Variants in PCDHGA4 observed in about 807,000 individuals in gnomAD.
The protein encoded by PCDHGA4 is protocadherin gamma-A4.
PCDHGA4 carries 38 observed loss-of-function variants against 54.6 expected under a neutral mutation model. The ratio of observed to expected loss-of-function variants is 0.70; its 90% CI spans 0.54 to 0.91. The LOEUF (loss-of-function observed/expected upper bound fraction) is 0.91, where lower values mean the gene tolerates loss of function less well. PCDHGA4 is among the 40% of genes least tolerant of loss of function. PCDHGA4 has a pLI of 0.00. For synonymous variants in PCDHGA4, 511 were observed against 512.9 expected, an observed-to-expected ratio of 1.00 and a Z score of 0.05; for missense variants, 1,298 against 1,220.9, an observed-to-expected ratio of 1.06 and a Z score of -0.94.
chr5:141,365,656 AGCAGAC>A (rs528991261), intron 1 of PCDHGA4: 1 of 1,613,518 alleles, frequency 6.2e-7, no homozygotes, highest in Non-Finnish European at 8.5e-7. Context: ...CCTTGAAAGT[AGCAGAC>A]GTTAATGACA....
intron 1 of PCDHGA4, among the ~76,000 whole-genome samples, chr5:141,453,623 T>C (rs1264665094): frequency 1.3e-5 from 2 of 152,238 alleles, no homozygotes; most frequent in Admixed American, 1.3e-4. Flanking sequence ...AAACAAAACC[T>C]ATACATATTT....
At position 141,489,068 on chromosome 5, in the gene PCDHGA4, G is replaced by GGCCCC; in HGVS notation, c.2515-5739_2515-5738insGCCCC. On this transcript the variant is annotated intron_variant, in intron 1 of 3. Coordinates refer to ENST00000571252, the MANE Select transcript of PCDHGA4 (RefSeq NM_018917.4). This position sits in a 1 kb window ranked among gnomAD's most constrained non-coding sequence, Gnocchi z 4.5. ...CTCAAATTCAGCTCCCCTCCCCCCT[G>GGCCCC]CCCACCCCCGCCACTCGGTGACTAA... 3.4e-6 allele frequency: 1 copy of GGCCCC among 291,558 alleles called. No individual in the cohort carries two copies. 18.1% of individuals were successfully genotyped at this position (291,558 alleles called of 1,614,324 possible). A position where few individuals can be genotyped will look rare whatever the true frequency, so the allele number is the denominator to read the frequency against.
rs2154581798 is a variant in PCDHGA4, at chr5:141,489,799, G to T, written c.2515-5008G>T. 1 of 1,614,192 alleles carries T rather than the reference G, an allele frequency of 6.2e-7. No homozygotes were observed. The highest frequency in any genetic ancestry group is 2.2e-5 in the East Asian group (1 of 44,884). On this transcript the variant is annotated intron_variant, in intron 1 of 3. Coordinates refer to ENST00000571252, the MANE Select transcript of PCDHGA4 (RefSeq NM_018917.4). The surrounding 1 kb of genome is among the most constrained non-coding windows in gnomAD (Gnocchi z 4.5). Reference sequence around the variant, plus strand: ...CTCTCTGAATGTGAAGACCCTAAAAGATGGGAAGCCATTCCCAGAGCTGGT... The same window carrying T: ...CTCTCTGAATGTGAAGACCCTAAAATATGGGAAGCCATTCCCAGAGCTGGT...
Position 141,355,212 on chromosome 5 carries a change from T to G in PCDHGA4, c.105T>G (p.Pro35=). 1 of 1,600,656 alleles carries G rather than the reference T, an allele frequency of 6.2e-7. No homozygotes were observed. The highest frequency in any genetic ancestry group is 8.5e-7 in the Non-Finnish European group (1 of 1,172,136). ...RLRGGVVMAA[P]PARPDHTRLL... is the part of the protein sequence containing the mutation. ...GCGGCGGGGTTGTAATGGCGGCGCC[T>G]CCTGCTCGCCCAGACCACACCCGGC... The change falls in exon 1 of 4, where the codon CCT becomes CCG. Residue 35 remains proline (P), a synonymous_variant. Coordinates refer to ENST00000571252, the MANE Select transcript of PCDHGA4 (RefSeq NM_018917.4).
intron 1 of PCDHGA4, among the ~76,000 whole-genome samples, chr5:141,466,021 G>A (rs2099115061): frequency 6.6e-6 from 1 of 151,934 alleles, no homozygotes; most frequent in Admixed American, 6.6e-5. Flanking sequence ...ACTCGGGAGG[G>A]TGAGGCAGGA....
chr5:141,388,204 A>T lies in PCDHGA4; in HGVS notation c.2514+30583A>T, dbSNP rs746829885. ...AAGCCAGCTTGTGCTCTGGAATTTG[A>T]GGCTGTTGCTGAAAATCCACTGAAC... On this transcript the variant is annotated intron_variant, in intron 1 of 3. Coordinates refer to ENST00000571252, the MANE Select transcript of PCDHGA4 (RefSeq NM_018917.4). 9 of 1,575,744 alleles carry T rather than the reference A, an allele frequency of 5.7e-6. No homozygotes were observed. The Admixed American group carries it at 1.5e-4, about 27-fold the overall frequency.
Position 141,425,952 on chromosome 5 carries a change from T to C in PCDHGA4, c.2514+68331T>C, listed in dbSNP as rs1047436598. 3.9e-5 allele frequency among the ~76,000 whole-genome samples: 6 copies of C among 152,364 alleles called. No individual in the cohort carries two copies. In the South Asian group the frequency reaches 8.3e-4, roughly 21 times the overall value. ...ATAAAATGTCTAGTTTCCTATACATTAGTCCAACACATCAGTCTAATTCTG... is the reference window on the plus strand; with the variant it reads ...ATAAAATGTCTAGTTTCCTATACATCAGTCCAACACATCAGTCTAATTCTG... On this transcript the variant is annotated intron_variant, in intron 1 of 3. Coordinates refer to ENST00000571252, the MANE Select transcript of PCDHGA4 (RefSeq NM_018917.4).
In PCDHGA4 at chr5:141,490,889, T is replaced by G. The variant is rs568838001; in HGVS notation, c.2515-3918T>G. The G allele has an allele frequency of 6.2e-7, 1 of 1,613,406 alleles. No homozygotes were observed. Among genetic ancestry groups the G allele is most frequent in the Non-Finnish European group, 8.5e-7 (1 of 1,179,428 alleles). ...CCCCCATTGCATGCCAACACATCTCTGCATGTGTTTGTCCTAGACGAGAAT... is the reference window on the plus strand; with the variant it reads ...CCCCCATTGCATGCCAACACATCTCGGCATGTGTTTGTCCTAGACGAGAAT... On this transcript the variant is annotated intron_variant, in intron 1 of 3. Coordinates refer to ENST00000571252, the MANE Select transcript of PCDHGA4 (RefSeq NM_018917.4). This position sits in a 1 kb window ranked among gnomAD's most constrained non-coding sequence, Gnocchi z 5.4.
intron 1 of PCDHGA4, chr5:141,417,914 C>T: frequency 6.2e-7 from 1 of 1,602,320 alleles, no homozygotes; most frequent in Non-Finnish European, 8.5e-7. Context: ...GGTACTATTT[C>T]CTTTGCTGCT....
chr5:141,413,926 T>C, intron 1 of PCDHGA4: 4 of 1,613,380 alleles, frequency 2.5e-6, no homozygotes, highest in Non-Finnish European at 3.4e-6. Flanking sequence ...CTTGCCAGAA[T>C]ACCGAGTGAG....
At chr5:141,412,264 CT>C (rs765219351) in intron 1 of PCDHGA4, 4 of 152,206 alleles carry the variant, frequency 2.6e-5, no homozygotes, top group Non-Finnish European at 4.4e-5. Context: ...TTTTCTAAAA[CT>C]TTTAGTACTT....
At chr5:141,360,226 G>C in intron 1 of PCDHGA4, 1 of 1,613,764 alleles carries the variant, frequency 6.2e-7, no homozygotes, top group Non-Finnish European at 8.5e-7. Context: ...GGCTCTCCCA[G>C]TCCAGATCCG....
chr5:141,477,221 A>G lies in PCDHGA4; in HGVS notation c.2515-17586A>G, dbSNP rs771608717. 1 of 1,614,178 alleles carries G rather than the reference A, an allele frequency of 6.2e-7. No homozygotes were observed. The highest frequency in any genetic ancestry group is 8.5e-7 in the Non-Finnish European group (1 of 1,180,044). ...AGTACCCGAGGATGCCCCTCTGGGG[A>G]CTGTCATCGCTTTGCTCAGTGTGAC... On this transcript the variant is annotated intron_variant, in intron 1 of 3. Coordinates refer to ENST00000571252, the MANE Select transcript of PCDHGA4 (RefSeq NM_018917.4). This position sits in a 1 kb window ranked among gnomAD's most constrained non-coding sequence, Gnocchi z 4.9.
chr5:141,500,384 T>C (rs956708207), intron 2 of PCDHGA4, among the ~76,000 whole-genome samples: 1 of 151,894 alleles, frequency 6.6e-6, no homozygotes, highest in African/African-American at 2.4e-5. Context: ...AATTATTTTG[T>C]ATTTTTAGTA....
chr5:141,477,312 T>G lies in PCDHGA4; in HGVS notation c.2515-17495T>G. On this transcript the variant is annotated intron_variant, in intron 1 of 3. Coordinates refer to ENST00000571252, the MANE Select transcript of PCDHGA4 (RefSeq NM_018917.4). This position sits in a 1 kb window ranked among gnomAD's most constrained non-coding sequence, Gnocchi z 4.9. ...GTTCCACCGGGTCTCCCTTTCAGCC[T>G]TACTTCTTCCCTCAAGAATTACTTC... The G allele has an allele frequency of 1.2e-6, 2 of 1,614,162 alleles. No individual in the cohort carries two copies. The highest frequency in any genetic ancestry group is 1.7e-6 in the Non-Finnish European group (2 of 1,180,032).
rs369691483 is a variant in PCDHGA4 at position 141,383,272 on chromosome 5, G to A, written c.2514+25651G>A. 65 of 1,613,802 alleles carry A rather than the reference G, an allele frequency of 4.0e-5. No homozygotes were observed. Among genetic ancestry groups the A allele is most frequent in the Non-Finnish European group, 5.3e-5 (62 of 1,179,884 alleles). On this transcript the variant is annotated intron_variant, in intron 1 of 3. Transcript: ENST00000571252. The stretch of plus-strand genomic sequence containing the variant: ...TTACCCTATAGACGTGGAAATAATA[G>A]ATATTAATGACAACGTTCCAAGATT...
chr5:141,355,152 C>T lies in PCDHGA4; in HGVS notation c.45C>T (p.Ala15=), dbSNP rs533009974. The T allele has an allele frequency of 1.7e-4, 264 of 1,548,788 alleles. No individual in the cohort carries two copies. The highest frequency in any genetic ancestry group is 1.2e-3 in the African/African-American group (90 of 72,958). The stretch of plus-strand genomic sequence containing the variant: ...CAGAAGATCCTGGGGCTCCTCAGGC[C>T]TCGACAGAGGGAAAACCGAAGCACA... ...LDPEDPGAPQ[A]STEGKPKHRR... The change falls in exon 1 of 4, where the codon GCC becomes GCT. Residue 15 remains alanine, a synonymous_variant. Transcript: ENST00000571252.
intron 1 of PCDHGA4, chr5:141,389,279 T>C: frequency 6.2e-7 from 1 of 1,614,016 alleles, no homozygotes; most frequent in Non-Finnish European, 8.5e-7. Context: ...ACAACCCGCC[T>C]GGAGCCTCTA....
chr5:141,383,505 G>C (rs1461557707), intron 1 of PCDHGA4: 10 of 1,612,818 alleles, frequency 6.2e-6, no homozygotes, highest in Admixed American at 1.7e-5. Context: ...TGCTGGACCG[G>C]GAGGAAGAGC....
Sources: gnomAD v4.1 joint callset for allele counts (sites outside exome capture counted in the v4.1 genomes callset) on GRCh38, gnomAD v4.1.1 for gene constraint, Gnocchi (gnomAD v3.1) non-coding constraint, MANE v1.5 for transcripts, NCBI Gene and HGNC (gene_info 2026-07-23, HGNC 2026-07-21) for gene names.